GLS: variants seen among roughly 807,000 people sequenced by gnomAD.
The protein encoded by GLS is glutaminase kidney isoform, mitochondrial.
Under a neutral mutation model 86.7 loss-of-function variants are expected in GLS, and 36 were observed. The ratio of observed to expected loss-of-function variants is 0.42; its 90% confidence interval spans 0.32 to 0.55. GLS has a LOEUF of 0.55. Among genes scored for constraint, GLS ranks in the 20% least tolerant of loss-of-function variants. The pLI is 0.17. For synonymous variants in GLS, 317 were observed against 305.9 expected (o/e 1.04, Z -0.38); for missense variants, 528 against 833.4 (o/e 0.63, Z 4.51).
chr2:190,930,634 T>TA lies in GLS; in HGVS notation c.1557+68dup. 2.0e-6 allele frequency: 3 copies of TA among 1,471,884 alleles called. No homozygotes were observed. The highest frequency in any genetic ancestry group is 2.8e-6 in the Non-Finnish European group (3 of 1,073,106). The allele number at this position is 1,471,884 out of a possible 1,614,324, so 91.2% of individuals were successfully genotyped here. On this transcript the variant is annotated intron_variant, in intron 13 of 17. Transcript: ENST00000320717. This position sits in a 1 kb window ranked among gnomAD's most constrained non-coding sequence, Gnocchi z 5.0. ...TGAGCCATCCAATGATTCTTTTTTT[T>TA]AACCCATTTTCCATAGTTCATTAAC...
intron 14 of GLS, chr2:190,933,030 T>A: frequency 9.0e-7 from 1 of 1,113,748 alleles, no homozygotes; most frequent in Middle Eastern, 3.7e-4. Context: ...AGGCAGTAGA[T>A]TAAGAAGTGC....
chr2:190,945,696 G>T (rs780925800), intron 14 of GLS, among the ~76,000 whole-genome samples: 1 of 151,666 alleles, frequency 6.6e-6, no homozygotes, highest in Non-Finnish European at 1.5e-5. Context: ...ATTGAAAATT[G>T]TATGCTTTTA....
At chr2:190,937,280 TGGAA>T (rs978655148) in intron 14 of GLS, among the ~76,000 whole-genome samples, 1 of 151,338 alleles carries the variant, frequency 6.6e-6, no homozygotes, top group South Asian at 2.1e-4. Flanking sequence ...TAATTAGAAA[TGGAA>T]GGAATTTAAT....
At position 190,905,952 on chromosome 2, in the gene GLS, T is replaced by C. The variant is rs901835000; in HGVS notation, c.979+785T>C. ...GAGATACACTTTTGTACTTTTTTTT[T>C]CTGCTGTATAAAAAATGAAATGTGC... On this transcript the variant is annotated intron_variant, in intron 6 of 17. Transcript: ENST00000320717. This position sits in a 1 kb window ranked among gnomAD's most constrained non-coding sequence, Gnocchi z 4.6. 5.7e-4 allele frequency among the ~76,000 whole-genome samples: 87 copies of C among 152,148 alleles called. No homozygotes were observed. Among genetic ancestry groups the C allele is most frequent in the Non-Finnish European group, 9.0e-4 (61 of 67,980 alleles).
chr2:190,946,859 G>T (rs1307345586), intron 14 of GLS, among the ~76,000 whole-genome samples: 1 of 152,036 alleles, frequency 6.6e-6, no homozygotes, highest in African/African-American at 2.4e-5. Context: ...CATCATCATG[G>T]TCTAGTTGTA....
chr2:190,887,713 A>G (rs1378940015), intron 1 of GLS, among the ~76,000 whole-genome samples: 2 of 152,162 alleles, frequency 1.3e-5, no homozygotes, highest in African/African-American at 4.8e-5. Flanking sequence ...AATAAACTGA[A>G]GTGTTAGAAA....
chr2:190,946,606 G>A (rs1305614470), intron 14 of GLS, among the ~76,000 whole-genome samples: 1 of 148,434 alleles, frequency 6.7e-6, no homozygotes, highest in East Asian at 1.9e-4. Context: ...TTTGGCAGTT[G>A]GTAATGGAGT....
At chr2:190,934,677 G>C in intron 14 of GLS, 4 of 974,504 alleles carry the variant, frequency 4.1e-6, no homozygotes, top group Non-Finnish European at 4.9e-6. Context: ...ATTAAATGAA[G>C]ATTTAGTTTT....
intron 3 of GLS, among the ~76,000 whole-genome samples, chr2:190,898,951 C>G (rs1688848082): frequency 6.6e-6 from 1 of 152,160 alleles, no homozygotes; most frequent in African/African-American, 2.4e-5. Flanking sequence ...TTTAAAGGTA[C>G]TGATTAAAAT....
chr2:190,922,755 A>G (rs148968533), intron 9 of GLS, among the ~76,000 whole-genome samples: 3 of 152,154 alleles, frequency 2.0e-5, no homozygotes, highest in Non-Finnish European at 2.9e-5. Flanking sequence ...AAAATGTGCA[A>G]TTAGAAGGGG....
At chr2:190,927,834 C>T (rs1689949161) in intron 12 of GLS, 1 of 163,826 alleles carries the variant, frequency 6.1e-6, no homozygotes, top group Non-Finnish European at 1.3e-5. Context: ...TGTGACGTTT[C>T]ACATCTTTGG....
intron 14 of GLS, among the ~76,000 whole-genome samples, chr2:190,940,559 C>G (rs1414171147): frequency 6.6e-6 from 1 of 151,994 alleles, no homozygotes; most frequent in Non-Finnish European, 1.5e-5. Flanking sequence ...TTAAGTTGCT[C>G]TGCTTCTCTT....
chr2:190,929,796 A>G (rs1279318553), intron 12 of GLS, among the ~76,000 whole-genome samples: 1 of 151,966 alleles, frequency 6.6e-6, no homozygotes, highest in East Asian at 1.9e-4. Flanking sequence ...AAACATGTTG[A>G]TAAAAATTTA....
intron 3 of GLS, among the ~76,000 whole-genome samples, chr2:190,896,916 C>T (rs907019892): frequency 6.6e-6 from 1 of 152,014 alleles, no homozygotes; most frequent in African/African-American, 2.4e-5. Context: ...AAAGTGCTTT[C>T]TGTGGGCATT....
At chr2:190,918,006 G>GTCTT (rs1423081106) in intron 7 of GLS, among the ~76,000 whole-genome samples, 4 of 152,118 alleles carry the variant, frequency 2.6e-5, no homozygotes, top group African/African-American at 9.7e-5. Context: ...AACCGATGTG[G>GTCTT]TCTTATCTAG....
intron 3 of GLS, among the ~76,000 whole-genome samples, chr2:190,900,238 A>G (rs1395093514): frequency 6.6e-6 from 1 of 152,204 alleles, no homozygotes; most frequent in Admixed American, 6.5e-5. Flanking sequence ...AGATGTCGTC[A>G]TGCTGAATGT....
intron 14 of GLS, among the ~76,000 whole-genome samples, chr2:190,932,287 T>TA (rs1246774141): frequency 1.3e-5 from 2 of 151,948 alleles, no homozygotes; most frequent in East Asian, 1.9e-4. Context: ...AGTCAGGACT[T>TA]AACTTTTTTG....
At chr2:190,948,409 G>A (rs1690633240) in intron 14 of GLS, among the ~76,000 whole-genome samples, 1 of 151,572 alleles carries the variant, frequency 6.6e-6, no homozygotes, top group South Asian at 2.1e-4. Flanking sequence ...CTTCTATTTT[G>A]GGCCTTATTA....
Position 190,913,940 on chromosome 2 carries a change from C to T in GLS, c.1038+3619C>T, listed in dbSNP as rs1223662120. 6.5e-6 allele frequency: 1 copy of T among 153,572 alleles called. No homozygotes were observed. Among genetic ancestry groups the T allele is most frequent in the Non-Finnish European group, 1.4e-5 (1 of 69,318 alleles). The allele number at this position is 153,572 out of a possible 1,614,324, so 9.5% of individuals were successfully genotyped here. On this transcript the variant is annotated intron_variant, in intron 7 of 17. Transcript: ENST00000320717. The surrounding 1 kb of genome is among the most constrained non-coding windows in gnomAD (Gnocchi z 6.1). ...TCAGACTCCAGAGTAGCTGAGACCA[C>T]AGGCACAGGCTACCATGCAGGGCTA...
Sources: allele counts gnomAD v4.1 joint callset (sites outside exome capture counted in the v4.1 genomes callset), GRCh38; gene constraint gnomAD v4.1.1; non-coding constraint Gnocchi (gnomAD v3.1); transcripts MANE v1.5; gene names NCBI Gene and HGNC (gene_info 2026-07-23, HGNC 2026-07-21).